Variants in ANKRD36C observed in about 807,000 individuals in gnomAD.
ANKRD36C encodes ankyrin repeat domain 36C.
Under a neutral mutation model 276.4 loss-of-function variants are expected in ANKRD36C, and 61 were observed. That is an observed-to-expected ratio of 0.22 (90% CI 0.18 to 0.27). ANKRD36C has a LOEUF of 0.27. Among genes scored for constraint, ANKRD36C ranks in the 10% least tolerant of loss-of-function variants. ANKRD36C has a pLI of 1.00. For missense variants in ANKRD36C, 1,447 were observed against 2,032.3 expected (o/e 0.71, Z 5.54); for synonymous variants, 483 against 680.1 (o/e 0.71, Z 4.51).
chr2:95,890,287 A>AT (rs1166808738), intron 46 of ANKRD36C, among the ~76,000 whole-genome samples: 1 of 151,542 alleles, frequency 6.6e-6, no homozygotes, highest in African/African-American at 2.4e-5. Context: ...ATGAGGACAA[A>AT]GTGATCTAAA....
In ANKRD36C at chr2:95,920,667, A is replaced by G. The variant is rs112307859; in HGVS notation, c.2245+940T>C. Among the ~76,000 whole-genome samples the G allele has an allele frequency of 3.0e-3, 363 of 120,846 alleles. 63 individuals are homozygous for G. Among genetic ancestry groups the G allele is most frequent in the Non-Finnish European group, 4.6e-3 (248 of 53,596 alleles). The allele number at this position is 120,846 out of a possible 152,430, so 79.3% of individuals were successfully genotyped here. A position where few individuals can be genotyped will look rare whatever the true frequency, so the allele number is the denominator to read the frequency against. ...TCTACAAAGTAAAACTGCTACAAGC[A>G]TTAGATATTGAGCAGTTTTTCATTC... On this transcript the variant is annotated intron_variant, in intron 34 of 66. Coordinates refer to ENST00000456556, the Ensembl canonical transcript of ANKRD36C.
At position 95,914,103 on chromosome 2, in the gene ANKRD36C, A is replaced by G; in HGVS notation, c.2551+5T>C. On this transcript the variant is annotated splice_donor_5th_base_variant and intron_variant, in intron 40 of 66. Transcript: ENST00000456556. The stretch of plus-strand genomic sequence containing the variant: ...TCATGACATTAAATCTCTTTTCAAA[A>G]TTACCTCTCCTAGTTTTTTCTCCAT... 1 of 1,560,638 alleles carries G rather than the reference A, an allele frequency of 6.4e-7. No individual in the cohort carries two copies. The highest frequency in any genetic ancestry group is 1.9e-5 in the Admixed American group (1 of 52,774).
chr2:95,917,014 A>C (rs1379756878), intron 36 of ANKRD36C, among the ~76,000 whole-genome samples: 2 of 151,646 alleles, frequency 1.3e-5, no homozygotes, highest in African/African-American at 4.8e-5. Flanking sequence ...TTGTTTCTAA[A>C]ATAGCCTTGT....
rs777079366 is a variant in ANKRD36C at position 95,920,188 on chromosome 2, G to A, written c.2245+1419C>T. Among the ~76,000 whole-genome samples, 16 of 132,646 alleles carry A rather than the reference G, an allele frequency of 1.2e-4. 4 individuals carry two copies. The highest frequency in any genetic ancestry group is 2.5e-4 in the Non-Finnish European group (15 of 59,708). The allele number at this position is 132,646 out of a possible 152,430, so 87.0% of individuals were successfully genotyped here. On this transcript the variant is annotated intron_variant, in intron 34 of 66. Coordinates refer to ENST00000456556, the Ensembl canonical transcript of ANKRD36C. Reference sequence around the variant, plus strand: ...AAAATAAAACCGTGTCAATATCAACGTGGATATGCCGAGTGATGAGGACAA... The same window carrying A: ...AAAATAAAACCGTGTCAATATCAACATGGATATGCCGAGTGATGAGGACAA...
chr2:95,982,058 T>C (rs563449065), intron 4 of ANKRD36C, among the ~76,000 whole-genome samples, 198 bp downstream of exon 4: 1 of 152,334 alleles, frequency 6.6e-6, no homozygotes, highest in African/African-American at 2.4e-5. Flanking sequence ...AATCCTGCTA[T>C]ACACTGTTCT....
At chr2:95,967,858 T>C (rs1360932965) in intron 6 of ANKRD36C, among the ~76,000 whole-genome samples, 2 of 151,900 alleles carry the variant, frequency 1.3e-5, no homozygotes, top group African/African-American at 2.4e-5. Context: ...GAGGCCAAGG[T>C]GGGTGGATCA....
At chr2:95,975,492 T>A (rs968202172) in intron 6 of ANKRD36C, among the ~76,000 whole-genome samples, 1 of 152,124 alleles carries the variant, frequency 6.6e-6, no homozygotes, top group African/African-American at 2.4e-5. Flanking sequence ...CAACTATCGA[T>A]CTTTGACAAA....
At chr2:95,891,502 G>A (rs547665203) in intron 46 of ANKRD36C, among the ~76,000 whole-genome samples, 163 bp downstream of exon 66, 1 of 150,908 alleles carries the variant, frequency 6.6e-6, no homozygotes, top group Non-Finnish European at 1.5e-5. Flanking sequence ...ATGTTCCAGA[G>A]CAGCAGCATC....
rs569173817 is a variant in ANKRD36C at position 95,907,689 on chromosome 2, T to C, written c.2653+4555A>G. Among the ~76,000 whole-genome samples, 93 of 145,774 alleles carry C rather than the reference T, an allele frequency of 6.4e-4. 3 individuals carry two copies. The highest frequency in any genetic ancestry group is 1.9e-3 in the African/African-American group (72 of 38,692). On this transcript the variant is annotated intron_variant, in intron 42 of 66. Transcript: ENST00000456556. ...GTCTAAAATACTCTTGTTGGGAGTA[T>C]CGTGTTATTCTCTAAAGAAGTTTCA...
chr2:95,981,670 C>T (rs1678924362), intron 4 of ANKRD36C, among the ~76,000 whole-genome samples: 1 of 150,806 alleles, frequency 6.6e-6, no homozygotes, highest in South Asian at 2.1e-4. Context: ...ATATTATTAC[C>T]CTCCTTTTCA....
intron 44 of ANKRD36C, chr2:95,893,554 C>A (rs1291355558): frequency 6.4e-7 from 1 of 1,552,496 alleles, no homozygotes; most frequent in East Asian, 2.4e-5. Context: ...TTTTCTCCAT[C>A]CTTTTTTTCT....
rs199913234 is a variant in ANKRD36C at position 95,888,739 on chromosome 2, C to T, written c.2960-619G>A. The stretch of plus-strand genomic sequence containing the variant: ...TTTGCCTAAGTTTCTTGTATCCACT[C>T]GTTTAGCCTTCTGAAAGTTTCTTCA... On this transcript the variant is annotated intron_variant, in intron 48 of 66. Coordinates refer to ENST00000456556, the Ensembl canonical transcript of ANKRD36C. Among the ~76,000 whole-genome samples the T allele has an allele frequency of 1.1e-4, 16 of 151,632 alleles. No homozygotes were observed. In the East Asian group the frequency reaches 2.3e-3, roughly 22 times the overall value.
At chr2:95,987,671 G>A (rs951263614) in intron 1 of ANKRD36C, among the ~76,000 whole-genome samples, 4 of 142,168 alleles carry the variant, frequency 2.8e-5, no homozygotes. Context: ...CCGGACTGCG[G>A]ACTGCAGTGG....
chr2:95,862,192 A>C (rs1456177786), intron 60 of ANKRD36C, among the ~76,000 whole-genome samples: 1 of 152,108 alleles, frequency 6.6e-6, no homozygotes, highest in Non-Finnish European at 1.5e-5. Context: ...ACAAGAAGGC[A>C]GAAAATCAGC....
intron 59 of ANKRD36C, among the ~76,000 whole-genome samples, chr2:95,875,769 T>C (rs1038849370): frequency 5.3e-5 from 8 of 152,188 alleles, no homozygotes; most frequent in African/African-American, 1.9e-4. Context: ...TATATTTATA[T>C]AGATTATAGG....
intron 38 of ANKRD36C, 128 bp from the exon 41 acceptor site, chr2:95,914,431 T>G (rs1677030990): frequency 8.1e-7 from 1 of 1,237,522 alleles, no homozygotes; most frequent in East Asian, 2.5e-5. Context: ...TGGCTTCTAC[T>G]TTGTGTCTGG....
At chr2:95,966,798 A>C (rs958243503) in intron 6 of ANKRD36C, among the ~76,000 whole-genome samples, 3 of 152,206 alleles carry the variant, frequency 2.0e-5, no homozygotes, top group African/African-American at 7.2e-5. Context: ...AACCATGAGC[A>C]TGGAGTGATT....
At chr2:95,886,159 T>C (rs1676197998) in intron 51 of ANKRD36C, 39 bp from the exon 72 acceptor site, 2 of 1,567,462 alleles carry the variant, frequency 1.3e-6, no homozygotes, top group South Asian at 1.2e-5. Context: ...ATACATAAAG[T>C]ATATATTCAT....
intron 36 of ANKRD36C, among the ~76,000 whole-genome samples, chr2:95,916,417 A>C (rs1184704673): frequency 6.6e-6 from 1 of 151,604 alleles, no homozygotes; most frequent in Non-Finnish European, 1.5e-5. Flanking sequence ...GAAAACTAAA[A>C]TAAAACCGTG....
Sources: gnomAD v4.1 joint callset for allele counts (sites outside exome capture counted in the v4.1 genomes callset) on GRCh38, gnomAD v4.1.1 for gene constraint, MANE v1.5 for transcripts, NCBI Gene and HGNC (gene_info 2026-07-23, HGNC 2026-07-21) for gene names.